Variants in TENM3 observed in about 807,000 individuals in gnomAD.
TENM3 encodes the protein teneurin transmembrane protein 3, also known as teneurin-3.
TENM3 carries 63 observed loss-of-function variants against 255.1 expected under a neutral mutation model. The observed-to-expected ratio is 0.25, with a 90% CI of 0.20 to 0.30. The LOEUF is 0.30. Ranked by LOEUF, TENM3 falls within the 10% of genes least tolerant of loss-of-function variation. The probability of loss-of-function intolerance (pLI) is 1.00; values close to 1 mark genes in which losing one functional copy is unlikely to be tolerated. For missense variants in TENM3, 2,929 were observed against 3,461.1 expected (o/e 0.85, Z 3.86); for synonymous variants, 1,306 against 1,322.3 (o/e 0.99, Z 0.27).
At chr4:181,885,756 A>G in the TENM3 span, among the ~76,000 whole-genome samples, 1 of 152,254 alleles carries the variant, frequency 6.6e-6, no homozygotes, top group Non-Finnish European at 1.5e-5. Context: ...TTCAAAAATT[A>G]AATGCCACTT....
rs543613227 is a variant in TENM3, at chr4:182,460,664, T to C, written c.511+113735T>C. Among the ~76,000 whole-genome samples the C allele has an allele frequency of 2.0e-5, 3 of 152,330 alleles. No homozygotes were observed. The East Asian group carries it at 5.8e-4, about 29-fold the overall frequency. ...CAACAGTCTGTGACATTATTTCATA[T>C]GCTATTTAACACACAACAGCTACTT... On this transcript the variant is annotated intron_variant, in intron 3 of 27. Coordinates refer to ENST00000511685, the MANE Select transcript of TENM3 (RefSeq NM_001080477.4).
intron 1 of TENM3, among the ~76,000 whole-genome samples, chr4:182,300,019 G>A (rs1256828949): frequency 4.6e-5 from 7 of 151,706 alleles, no homozygotes; most frequent in Non-Finnish European, 8.8e-5. Context: ...GGGTTCAAGC[G>A]ATTCTCGTGC....
chr4:181,702,472 G>T, the TENM3 span, among the ~76,000 whole-genome samples: 1 of 152,128 alleles, frequency 6.6e-6, no homozygotes, highest in Non-Finnish European at 1.5e-5. Flanking sequence ...TCAAACAAAA[G>T]CATGGTACTT....
chr4:181,470,112 A>T, the TENM3 span, among the ~76,000 whole-genome samples: 1 of 120,514 alleles, frequency 8.3e-6, no homozygotes, highest in African/African-American at 2.7e-5. Context: ...CTTCTGTAAA[A>T]AAAAAAAAAA....
chr4:182,612,129 G>A (rs192008232), intron 4 of TENM3, among the ~76,000 whole-genome samples: 9 of 151,964 alleles, frequency 5.9e-5, no homozygotes, highest in South Asian at 4.2e-4. Flanking sequence ...AAAATTAGCC[G>A]GGCGTGGTGG....
chr4:182,310,421 A>C (rs2675517), intron 1 of TENM3, among the ~76,000 whole-genome samples: 36,781 of 152,074 alleles, frequency 0.24, 4,616 homozygotes, highest in Middle Eastern at 0.28. Flanking sequence ...GACGTCAGTG[A>C]GCAGGAGGCA....
At chr4:182,059,763 G>GA in the TENM3 span, among the ~76,000 whole-genome samples, 121 of 86,556 alleles carry the variant, frequency 1.4e-3, 1 homozygote, top group African/African-American at 2.1e-3. Context: ...AAAAAAAAAA[G>GA]AAAAAAAAAA....
At chr4:182,503,741 G>A (rs1309759874) in intron 3 of TENM3, among the ~76,000 whole-genome samples, 1 of 152,078 alleles carries the variant, frequency 6.6e-6, no homozygotes, top group African/African-American at 2.4e-5. Context: ...CACCCTGTGA[G>A]CCCATATTCC....
At chr4:182,118,356 G>T in the TENM3 span, among the ~76,000 whole-genome samples, 2 of 152,156 alleles carry the variant, frequency 1.3e-5, no homozygotes, top group African/African-American at 2.4e-5. Flanking sequence ...GCCTGGCTTT[G>T]TTCCTGATCT....
chr4:181,708,949 A>G, the TENM3 span, among the ~76,000 whole-genome samples: 1,704 of 152,340 alleles, frequency 0.011, 44 homozygotes, highest in African/African-American at 0.038. Flanking sequence ...GAAGGAATCC[A>G]ACTTAAAAGA....
intron 4 of TENM3, among the ~76,000 whole-genome samples, chr4:182,618,206 G>T (rs931507276): frequency 2.0e-5 from 3 of 152,054 alleles, no homozygotes; most frequent in African/African-American, 7.2e-5. Flanking sequence ...TTGAGGAAAT[G>T]ACTCAAACCA....
the TENM3 span, among the ~76,000 whole-genome samples, chr4:182,135,130 C>T: frequency 1.4e-5 from 2 of 141,898 alleles, no homozygotes; most frequent in African/African-American, 5.3e-5. Context: ...CGCTGGAACC[C>T]GGGAGGCGGA....
the TENM3 span, among the ~76,000 whole-genome samples, chr4:181,665,853 G>T: frequency 1.3e-5 from 2 of 151,568 alleles, no homozygotes; most frequent in Non-Finnish European, 2.9e-5. Context: ...ATTAAATTTC[G>T]TATATATCTA....
At chr4:181,653,590 G>A in the TENM3 span, among the ~76,000 whole-genome samples, 4 of 151,874 alleles carry the variant, frequency 2.6e-5, no homozygotes, top group Admixed American at 1.3e-4. Context: ...TAGTAGAGAC[G>A]GGGTTTTACC....
chr4:181,828,967 C>G, the TENM3 span, among the ~76,000 whole-genome samples: 1 of 152,194 alleles, frequency 6.6e-6, no homozygotes, highest in Non-Finnish European at 1.5e-5. Context: ...TGGTGACACA[C>G]TTGCTACCCT....
At chr4:182,604,486 T>G (rs1236700702) in intron 4 of TENM3, among the ~76,000 whole-genome samples, 7 of 152,222 alleles carry the variant, frequency 4.6e-5, no homozygotes, top group Admixed American at 4.6e-4. Context: ...TATTTTATAC[T>G]TCAGCTGCTT....
the TENM3 span, among the ~76,000 whole-genome samples, chr4:181,490,427 A>C: frequency 0.3 from 45,330 of 152,088 alleles, 7,059 homozygotes; most frequent in Non-Finnish European, 0.35. Context: ...TATCTGGGAC[A>C]ACGCTAATAC....
At chr4:182,028,151 GTTA>G in the TENM3 span, among the ~76,000 whole-genome samples, 2 of 152,040 alleles carry the variant, frequency 1.3e-5, no homozygotes, top group African/African-American at 4.8e-5. Context: ...CTCATTACTT[GTTA>G]TTGATTTGTT....
At chr4:182,019,669 T>C in the TENM3 span, among the ~76,000 whole-genome samples, 1 of 152,172 alleles carries the variant, frequency 6.6e-6, no homozygotes, top group Admixed American at 6.5e-5. Context: ...AGATATTTAC[T>C]TGGGTTGTTG....
Sources: allele counts gnomAD v4.1 joint callset (sites outside exome capture counted in the v4.1 genomes callset), GRCh38; gene constraint gnomAD v4.1.1; transcripts MANE v1.5; gene names NCBI Gene and HGNC (gene_info 2026-07-23, HGNC 2026-07-21).